Variants in OSER1 observed in about 807,000 individuals in gnomAD.
The protein encoded by OSER1 is oxidative stress-responsive serine-rich protein 1.
OSER1 carries 15 observed loss-of-function variants against 26.3 expected under a neutral mutation model. That is an observed-to-expected ratio of 0.57 (90% CI 0.38 to 0.88). The LOEUF (loss-of-function observed/expected upper bound fraction) is 0.88, where lower values mean the gene tolerates loss of function less well. Ranked by LOEUF, OSER1 falls within the 40% of genes least tolerant of loss-of-function variation. OSER1 has a pLI of 0.00. For missense variants in OSER1, 313 were observed against 353.9 expected, an observed-to-expected ratio of 0.88 and a Z score of 0.93; for synonymous variants, 127 against 128.2, an observed-to-expected ratio of 0.99 and a Z score of 0.07.
upstream of OSER1, among the ~76,000 whole-genome samples, chr20:44,211,761 T>G (rs2073112556): frequency 6.6e-6 from 1 of 152,210 alleles, no homozygotes; most frequent in African/African-American, 2.4e-5. Context: ...GTTCTGCTGA[T>G]CTAGCTGTGC....
intron 2 of OSER1, among the ~76,000 whole-genome samples, chr20:44,206,002 C>T (rs1600497122): frequency 6.6e-6 from 1 of 150,630 alleles, no homozygotes; most frequent in African/African-American, 2.4e-5. Flanking sequence ...AGGTTCAAAT[C>T]CTGGCTCTGC....
rs1193149358 is a variant in OSER1 at position 44,205,919 on chromosome 20, G to A, written c.77+962C>T. On this transcript the variant is annotated intron_variant, in intron 2 of 3. Transcript: ENST00000255174. ...TGCGCCACTGCACTCCAGCCTGGGC[G>A]ACAGGGCCAGAATCCGTCTCAAAAA... Among the ~76,000 whole-genome samples, 7 of 133,964 alleles carry A rather than the reference G, an allele frequency of 5.2e-5. No individual in the cohort carries two copies. The East Asian group carries it at 9.0e-4, about 17-fold the overall frequency. The allele number at this position is 133,964 out of a possible 152,430, so 87.9% of individuals were successfully genotyped here. A position where few individuals can be genotyped will look rare whatever the true frequency, so the allele number is the denominator to read the frequency against.
rs3037689 is a variant in OSER1 at position 44,208,422 on chromosome 20, T to TAAAA, written c.-41-1428_-41-1425dup. Among the ~76,000 whole-genome samples the TAAAA allele has an allele frequency of 5.1e-4, 67 of 131,398 alleles. No individual in the cohort carries two copies. In the Middle Eastern group the frequency reaches 0.015, roughly 30 times the overall value. 86.2% of individuals were successfully genotyped at this position (131,398 alleles called of 152,430 possible). On this transcript the variant is annotated intron_variant, in intron 1 of 3. Coordinates refer to ENST00000255174, the MANE Select transcript of OSER1 (RefSeq NM_016470.8). ...AACAGTCTCAAAAGAATTCAGCTAC[T>TAAAA]AAAAAAAAAAAAAAAAATTCAGCCA...
Position 44,205,799 on chromosome 20 carries a change from G to A in OSER1, c.77+1082C>T, listed in dbSNP as rs138698472. Among the ~76,000 whole-genome samples, 959 of 152,176 alleles carry A rather than the reference G, an allele frequency of 6.3e-3. 8 individuals carry two copies. The highest frequency in any genetic ancestry group is 0.022 in the African/African-American group (904 of 41,514). On this transcript the variant is annotated intron_variant, in intron 2 of 3. Transcript: ENST00000255174. ...ACTAAAAATACAAAAAATCAGCCAG[G>A]TGTGGTTGTGGCCGCCTGTAGTCCC...
chr20:44,196,293 AC>A lies in OSER1; in HGVS notation c.*758del, dbSNP rs1312541321. 2.3e-3 allele frequency among the ~76,000 whole-genome samples: 223 copies of A among 98,312 alleles called. 2 individuals are homozygous for A. The highest frequency in any genetic ancestry group is 0.014 in the African/African-American group (203 of 14,836). The allele number at this position is 98,312 out of a possible 152,430, so 64.5% of individuals were successfully genotyped here. A position where few individuals can be genotyped will look rare whatever the true frequency, so the allele number is the denominator to read the frequency against. The stretch of plus-strand genomic sequence containing the variant: ...TATGAGACCTGTATTACAACTGATA[AC>A]AAAAAAAAAAAAAAAAAACCGCCAT... On this transcript the variant is annotated 3_prime_UTR_variant, in exon 4 of 4. Transcript: ENST00000255174.
intron 1 of OSER1, among the ~76,000 whole-genome samples, chr20:44,210,362 G>A (rs888988711): frequency 6.6e-6 from 1 of 152,238 alleles, no homozygotes. Flanking sequence ...CGAGGCGAGA[G>A]AGAAAGGACT....
chr20:44,201,109 T>C (rs2072977570), intron 3 of OSER1, among the ~76,000 whole-genome samples: 1 of 152,234 alleles, frequency 6.6e-6, no homozygotes. Context: ...TTCCACCAAG[T>C]TCCAAAAAGC....
Position 44,202,962 on chromosome 20 carries a change from C to T in OSER1, c.190G>A (p.Gly64Arg), listed in dbSNP as rs779641135. ...TTCASKDSWH[G>R]STRKSSRGAV... ...ATCATCTCAATAAGAAGCTCTTACCCGTGCCAACTGTCTTTAGATGCACAT... is the reference window on the plus strand; with the variant it reads ...ATCATCTCAATAAGAAGCTCTTACCTGTGCCAACTGTCTTTAGATGCACAT... Residue 64 changes from glycine (G) to arginine (R), a missense_variant and splice_region_variant, in exon 3 of 4, where the codon GGG (glycine) becomes AGG (arginine). Physicochemically the swap from Gly to Arg is moderately radical, Grantham distance 125. Transcript: ENST00000255174. 14 of 1,560,130 alleles carry T rather than the reference C, an allele frequency of 9.0e-6. No homozygotes were observed. Among genetic ancestry groups the T allele is most frequent in the Non-Finnish European group, 1.1e-5 (13 of 1,131,380 alleles).
At position 44,207,822 on chromosome 20, in the gene OSER1, T is replaced by C. The variant is rs140071199; in HGVS notation, c.-41-824A>G. ...TAGTTTGATTAATCAAAGTCCTCCA[T>C]ATTTTCCACCTGATTTTTATATTTA... On this transcript the variant is annotated intron_variant, in intron 1 of 3. Transcript: ENST00000255174. Among the ~76,000 whole-genome samples the C allele has an allele frequency of 2.9e-3, 439 of 152,308 alleles. 4 individuals carry two copies. The highest frequency in any genetic ancestry group is 9.9e-3 in the African/African-American group (412 of 41,582).
chr20:44,208,110 CCCCCCCCGCCCCCA>C (rs2073057293), intron 1 of OSER1, among the ~76,000 whole-genome samples: 1 of 77,820 alleles, frequency 1.3e-5, no homozygotes, highest in African/African-American at 1.0e-4. Context: ...CTTTACCCGC[CCCCCCCCGCCCCCA>C]CCCCTCTTGG....
intron 1 of OSER1, among the ~76,000 whole-genome samples, chr20:44,210,369 G>A (rs1372784588): frequency 3.3e-5 from 5 of 152,236 alleles, no homozygotes; most frequent in Admixed American, 6.5e-5. Context: ...AGAGAGAAAG[G>A]ACTGGAAGGG....
intron 1 of OSER1, chr20:44,207,450 T>C (rs898765556): frequency 1.3e-5 from 2 of 155,758 alleles, no homozygotes; most frequent in African/African-American, 4.8e-5. Flanking sequence ...CATGATAGCA[T>C]TTCTCTAGAG....
At chr20:44,198,308 GT>G (rs2072943384) in intron 3 of OSER1, among the ~76,000 whole-genome samples, 1 of 152,282 alleles carries the variant, frequency 6.6e-6, no homozygotes, top group East Asian at 1.9e-4. Context: ...GACACACTAT[GT>G]AAGATAACTA....
chr20:44,203,152 CA>C, intron 2 of OSER1, 78 bp from the exon 3 acceptor site: 1 of 646,952 alleles, frequency 1.5e-6, no homozygotes. Flanking sequence ...AGCTCAAATA[CA>C]ACTTTTATCA....
intron 1 of OSER1, 49 bp from the exon 2 acceptor site, chr20:44,207,047 G>C (rs1439696908): frequency 6.8e-6 from 6 of 879,314 alleles, no homozygotes; most frequent in Non-Finnish European, 5.5e-6. Context: ...GGGATCAAAA[G>C]TATACCTGTT....
upstream of OSER1, chr20:44,211,175 G>A (rs1194392073): frequency 6.6e-6 from 1 of 152,306 alleles, no homozygotes; most frequent in Non-Finnish European, 1.5e-5. Flanking sequence ...CCTATGCAGA[G>A]GAATTCCACG....
chr20:44,202,599 A>G (rs1396708663), intron 3 of OSER1, among the ~76,000 whole-genome samples: 4 of 152,184 alleles, frequency 2.6e-5, no homozygotes, highest in African/African-American at 9.7e-5. Context: ...AAATAGACAA[A>G]TACACTTCCA....
chr20:44,202,915 C>G (rs188226615), intron 3 of OSER1, 46 bp downstream of exon 3: 25 of 1,089,802 alleles, frequency 2.3e-5, no homozygotes, highest in Admixed American at 5.3e-5. Flanking sequence ...AAATCCAATA[C>G]TATTATAATA....
intron 1 of OSER1, among the ~76,000 whole-genome samples, chr20:44,209,223 A>G (rs1445104945): frequency 6.6e-6 from 1 of 152,264 alleles, no homozygotes; most frequent in Admixed American, 6.5e-5. Context: ...TCTAAAAACC[A>G]AAACAGGCCA....
Sources: allele counts gnomAD v4.1 joint callset (sites outside exome capture counted in the v4.1 genomes callset), GRCh38; gene constraint gnomAD v4.1.1; transcripts MANE v1.5; gene names NCBI Gene and HGNC (gene_info 2026-07-23, HGNC 2026-07-21).